The following CRB2 variants were observed in gnomAD, a reference collection of about 807,000 sequenced individuals.
CRB2 encodes the protein protein crumbs homolog 2.
CRB2 carries 85 observed loss-of-function variants against 110.9 expected under a neutral mutation model. The observed-to-expected ratio is 0.77, with a 90% confidence interval of 0.64 to 0.92. The LOEUF is 0.92. Among genes scored for constraint, CRB2 ranks in the 40% least tolerant of loss-of-function variants. The pLI, the probability that CRB2 is intolerant of heterozygous loss-of-function variation, is 0.00. For synonymous variants in CRB2, 907 were observed against 831.0 expected (o/e 1.09, Z -1.57); for missense variants, 1,843 against 1,851.3 (o/e 1.00, Z 0.08).
At position 123,373,592 on chromosome 9, in the gene CRB2, G is replaced by C; in HGVS notation, c.3061G>C (p.Gly1021Arg). 2.1e-6 allele frequency: 3 copies of C among 1,431,748 alleles called. No individual in the cohort carries two copies. Among genetic ancestry groups the C allele is most frequent in the Non-Finnish European group, 2.7e-6 (3 of 1,094,376 alleles). The allele number at this position is 1,431,748 out of a possible 1,614,324, so 88.7% of individuals were successfully genotyped here. ...CTGCTTGGGCCGCGTGGCGCTGGGC[G>C]GCCTGCCCCTGCCCTTGGCGCGGCC... ...TGCLGRVALGGLPLPLARPRP... is the reference protein window; with the variant it reads ...TGCLGRVALGRLPLPLARPRP... Residue 1021 changes from glycine (G) to arginine (R), a missense_variant, in exon 10 of 13, where the codon GGC becomes CGC. Coordinates refer to ENST00000373631, the MANE Select transcript of CRB2 (RefSeq NM_173689.7).
chr9:123,370,130 G>T lies in CRB2; in HGVS notation c.1077G>T (p.Val359=). 3 of 1,594,700 alleles carry T rather than the reference G, an allele frequency of 1.9e-6. No individual in the cohort carries two copies. Among genetic ancestry groups the T allele is most frequent in the Non-Finnish European group, 2.6e-6 (3 of 1,168,608 alleles). The change falls in exon 7 of 13, where the codon GTG becomes GTT. Residue 359 remains valine (V), a synonymous_variant. Transcript: ENST00000373631. ...GYAGPTCEED[V]DECLSDPCLH... ...AAGGGCCGACATGTGAGGAAGATGT[G>T]GATGAATGCCTGTCGGATCCCTGCC...
At chr9:123,372,686 C>T (rs773995347) in intron 9 of CRB2, among the ~76,000 whole-genome samples, 18 of 152,202 alleles carry the variant, frequency 1.2e-4, no homozygotes, top group Non-Finnish European at 1.9e-4. Flanking sequence ...CCCAGCTAGG[C>T]GGCTCTGACT....
At position 123,356,227 on chromosome 9, in the gene CRB2, C is replaced by T. The variant is rs965708260; in HGVS notation, c.-34C>T. The T allele has an allele frequency of 7.3e-7, 1 of 1,366,468 alleles. No homozygotes were observed. The highest frequency in any genetic ancestry group is 9.4e-7 in the Non-Finnish European group (1 of 1,059,856). The allele number at this position is 1,366,468 out of a possible 1,614,324, so 84.6% of individuals were successfully genotyped here. A position where few individuals can be genotyped will look rare whatever the true frequency, so the allele number is the denominator to read the frequency against. On this transcript the variant is annotated 5_prime_UTR_variant, in exon 1 of 13. Transcript: ENST00000373631. ...GCCAGCCAGGCCGCCCTCCCGTTCT[C>T]ACAGCAGCCGAGCAGAGCGCAGAGC...
At chr9:123,367,723 T>G (rs765272589) in intron 6 of CRB2, 37 bp downstream of exon 6, 1 of 1,343,000 alleles carries the variant, frequency 7.4e-7, no homozygotes, top group Non-Finnish European at 1.0e-6. Context: ...ACCATCAGAA[T>G]TGGTGGTCCT....
At chr9:123,367,957 G>A (rs1428297116) in intron 6 of CRB2, among the ~76,000 whole-genome samples, 1 of 152,016 alleles carries the variant, frequency 6.6e-6, no homozygotes, top group Non-Finnish European at 1.5e-5. Flanking sequence ...GGAAGACGGA[G>A]GTGGTTCAGC....
chr9:123,373,298 G>C lies in CRB2; in HGVS notation c.2767G>C (p.Ala923Pro). Reference protein sequence around the residue: ...AAGALEGVWLAVRNGSLAGGV... With the variant: ...AAGALEGVWLPVRNGSLAGGV... Reference sequence around the variant, plus strand: ...GGGCGCCCTGGAAGGCGTGTGGCTGGCGGTGCGCAATGGCTCGCTGGCGGG... The same window carrying C: ...GGGCGCCCTGGAAGGCGTGTGGCTGCCGGTGCGCAATGGCTCGCTGGCGGG... The change falls in exon 10 of 13, where the codon GCG becomes CCG. Residue 923 changes from alanine (A) to proline (P), a missense_variant. Ala to Pro is a conservative substitution (Grantham distance 27). Coordinates refer to ENST00000373631, the MANE Select transcript of CRB2 (RefSeq NM_173689.7). 1 of 1,473,494 alleles carries C rather than the reference G, an allele frequency of 6.8e-7. No individual in the cohort carries two copies. 91.3% of individuals were successfully genotyped at this position (1,473,494 alleles called of 1,614,324 possible).
chr9:123,372,478 C>T, intron 9 of CRB2, 136 bp downstream of exon 9: 1 of 1,130,674 alleles, frequency 8.8e-7, no homozygotes, highest in South Asian at 1.6e-5. Context: ...GGCGGGGCCA[C>T]CGCATGTAGA....
Position 123,376,893 on chromosome 9 carries a change from C to T in CRB2, c.3689C>T (p.Ala1230Val). ...FPLLEVAVPA[A>V]CACLLLLLLG... ...CTGCTGGAGGTGGCCGTACCTGCAG[C>T]CTGTGCCTGCCTCCTCCTCCTCCTC... The change falls in exon 13 of 13, where the codon GCC becomes GTC. Residue 1230 changes from alanine to valine, a missense_variant. Ala to Val is a moderately conservative substitution (Grantham distance 64). Transcript: ENST00000373631. 2 of 1,609,854 alleles carry T rather than the reference C, an allele frequency of 1.2e-6. No homozygotes were observed. Among genetic ancestry groups the T allele is most frequent in the South Asian group, 2.2e-5 (2 of 90,256 alleles).
chr9:123,370,502 C>T lies in CRB2; in HGVS notation c.1449C>T (p.Ser483=). 1.9e-6 allele frequency: 3 copies of T among 1,613,488 alleles called. No homozygotes were observed. The highest frequency in any genetic ancestry group is 2.5e-6 in the Non-Finnish European group (3 of 1,180,032). Residue 483 remains serine, a synonymous_variant, in exon 7 of 13, where the codon AGC becomes AGT. Coordinates refer to ENST00000373631, the MANE Select transcript of CRB2 (RefSeq NM_173689.7). The part of the protein sequence containing the change: ...TLATRNDTKE[S]LELALVAATL... ...CCACTCGCAATGACACCAAGGAAAGCTTGGAGCTGGCATTGGTGGCAGCCA... is the reference window on the plus strand; with the variant it reads ...CCACTCGCAATGACACCAAGGAAAGTTTGGAGCTGGCATTGGTGGCAGCCA...
chr9:123,373,795 C>G lies in CRB2; in HGVS notation c.3264C>G (p.Gly1088=), dbSNP rs1346371708. 6.3e-7 allele frequency: 1 copy of G among 1,590,616 alleles called. No individual in the cohort carries two copies. Among genetic ancestry groups the G allele is most frequent in the Admixed American group, 1.7e-5 (1 of 59,436 alleles). The change falls in exon 10 of 13, where the codon GGC becomes GGG. Residue 1088 remains glycine, a synonymous_variant. Transcript: ENST00000373631. ...FACACGPGWE[G]PRCEAHVDPC... is the part of the protein sequence containing the mutation. ...GCGCCTGCGGCCCGGGGTGGGAAGG[C>G]CCGCGCTGCGAAGCCCACGTCGACC...
At chr9:123,354,394 C>A (rs894013908), upstream of CRB2, among the ~76,000 whole-genome samples, 2 of 152,266 alleles carry the variant, frequency 1.3e-5, no homozygotes, top group African/African-American at 4.8e-5. Context: ...GTGCTCCCCC[C>A]AGCCCCCCAT....
chr9:123,373,311 G>A lies in CRB2; in HGVS notation c.2780G>A (p.Gly927Asp). ...GGCGTGTGGCTGGCGGTGCGCAATG[G>A]CTCGCTGGCGGGGGGCGTGCGCGGA... ...LEGVWLAVRN[G>D]SLAGGVRGGH... The change falls in exon 10 of 13, where the codon GGC (glycine) becomes GAC (aspartate). Residue 927 changes from glycine to aspartate, a missense_variant. Physicochemically the swap from Gly to Asp is moderately conservative, Grantham distance 94 (BLOSUM62 -1). Coordinates refer to ENST00000373631, the MANE Select transcript of CRB2 (RefSeq NM_173689.7). The A allele has an allele frequency of 6.8e-7, 1 of 1,461,668 alleles. No homozygotes were observed. 90.5% of individuals were successfully genotyped at this position (1,461,668 alleles called of 1,614,324 possible). A position where few individuals can be genotyped will look rare whatever the true frequency, so the allele number is the denominator to read the frequency against.
intron 12 of CRB2, among the ~76,000 whole-genome samples, chr9:123,376,114 C>T (rs1404346619): frequency 6.6e-6 from 1 of 152,192 alleles, no homozygotes; most frequent in Non-Finnish European, 1.5e-5. Context: ...GGCTTTACAG[C>T]TCCTCCCTCA....
intron 11 of CRB2, 136 bp from the exon 12 acceptor site, chr9:123,375,077 AGCTG>A: frequency 3.8e-6 from 5 of 1,310,966 alleles, no homozygotes; most frequent in Non-Finnish European, 5.3e-6. Flanking sequence ...GGCAGGGCCC[AGCTG>A]GGCAGGAGCA....
At chr9:123,372,144 C>T in intron 8 of CRB2, 33 bp from the exon 9 acceptor site, 1 of 1,610,990 alleles carries the variant, frequency 6.2e-7, no homozygotes, top group Non-Finnish European at 8.5e-7. Context: ...TCACTGCAGT[C>T]CTGAGCCAAC....
chr9:123,362,758 A>G (rs2041882459), intron 1 of CRB2, 107 bp from the exon 2 acceptor site: 4 of 1,078,892 alleles, frequency 3.7e-6, no homozygotes, highest in Non-Finnish European at 4.0e-6. Flanking sequence ...CTGTGCATGC[A>G]GAGACCCACG....
Position 123,367,293 on chromosome 9 carries a change from C to A in CRB2, c.876C>A (p.Phe292Leu), listed in dbSNP as rs1238292322. The A allele has an allele frequency of 1.5e-5, 24 of 1,604,072 alleles. No homozygotes were observed. Among genetic ancestry groups the A allele is most frequent in the Non-Finnish European group, 2.0e-5 (24 of 1,179,300 alleles). The change falls in exon 5 of 13, where the codon TTC (phenylalanine) becomes TTA (leucine). Residue 292 changes from phenylalanine to leucine, a missense_variant. Physicochemically the swap from Phe to Leu is conservative, Grantham distance 22. Coordinates refer to ENST00000373631, the MANE Select transcript of CRB2 (RefSeq NM_173689.7). ...TCTACGGGGGTGTCCAGGCCGCCTT[C>A]CCTGGCGCCTTCAGCTTCCGCCATG... The part of the protein sequence containing the change: ...PALYGGVQAA[F>L]PGAFSFRHAA...
intron 1 of CRB2, among the ~76,000 whole-genome samples, chr9:123,360,185 A>G (rs1030962351): frequency 2.0e-5 from 3 of 152,202 alleles, no homozygotes; most frequent in African/African-American, 7.2e-5. Flanking sequence ...AAGTATAACA[A>G]TGTAATAATA....
At chr9:123,375,406 C>T in intron 12 of CRB2, 63 bp downstream of exon 12, 5 of 1,504,546 alleles carry the variant, frequency 3.3e-6, no homozygotes, top group Non-Finnish European at 4.4e-6. Flanking sequence ...CGAGATGCTG[C>T]TGGGGAGAGA....
Sources: allele counts gnomAD v4.1 joint callset (sites outside exome capture counted in the v4.1 genomes callset), GRCh38; gene constraint gnomAD v4.1.1; transcripts MANE v1.5; gene names NCBI Gene and HGNC (gene_info 2026-07-23, HGNC 2026-07-21).